The following MS4A1 variants were observed in gnomAD, a reference collection of about 807,000 sequenced individuals.
MS4A1 encodes the protein membrane spanning 4-domains A1, also known as B-lymphocyte antigen CD20.
In MS4A1, 16 loss-of-function variants were observed where a neutral mutation model predicts 26.5. The ratio of observed to expected loss-of-function variants is 0.60; its 90% CI spans 0.41 to 0.92. The LOEUF (loss-of-function observed/expected upper bound fraction) is 0.92, where lower values mean the gene tolerates loss of function less well. Ranked by LOEUF, MS4A1 falls within the 40% of genes least tolerant of loss-of-function variation. The probability of loss-of-function intolerance (pLI) is 0.00; values close to 1 mark genes in which losing one functional copy is unlikely to be tolerated. For synonymous variants in MS4A1, 128 were observed against 117.6 expected (o/e 1.09, Z -0.57); for missense variants, 350 against 353.0 (o/e 0.99, Z 0.07).
At chr11:60,460,540 C>T (rs765672443) in intron 1 of MS4A1, among the ~76,000 whole-genome samples, 3 of 152,152 alleles carry the variant, frequency 2.0e-5, no homozygotes, top group East Asian at 1.9e-4. Context: ...GATGTGGCAC[C>T]GGCTTCAGTA....
chr11:60,465,251 C>T (rs371094986), intron 5 of MS4A1, among the ~76,000 whole-genome samples: 1 of 152,198 alleles, frequency 6.6e-6, no homozygotes, highest in Admixed American at 6.5e-5. Flanking sequence ...CCTGTTTCAA[C>T]CTTTTATCAT....
chr11:60,468,633 G>A lies in MS4A1; in HGVS notation c.*165G>A. 2 of 689,284 alleles carry A rather than the reference G, an allele frequency of 2.9e-6. No homozygotes were observed. The highest frequency in any genetic ancestry group is 5.1e-6 in the Non-Finnish European group (2 of 395,788). The allele number at this position is 689,284 out of a possible 1,614,324, so 42.7% of individuals were successfully genotyped here. A position where few individuals can be genotyped will look rare whatever the true frequency, so the allele number is the denominator to read the frequency against. ...CTCCTTCTCTCTTACATTGAATGTA[G>A]AGAATGTAGCCATTGTAGCAGCTTG... On this transcript the variant is annotated 3_prime_UTR_variant, in exon 8 of 8. Transcript: ENST00000345732.
chr11:60,462,908 G>T, intron 3 of MS4A1, 94 bp from the exon 4 acceptor site: 1 of 1,581,554 alleles, frequency 6.3e-7, no homozygotes, highest in Admixed American at 1.7e-5. Flanking sequence ...ATTCCTCACA[G>T]CTCCAAGTCA....
At chr11:60,456,496 G>A (rs1176833355) in intron 1 of MS4A1, among the ~76,000 whole-genome samples, 2 of 152,236 alleles carry the variant, frequency 1.3e-5, no homozygotes, top group East Asian at 3.9e-4. Context: ...AGAAGTATAG[G>A]TGGCTTTACA....
Position 60,470,319 on chromosome 11 carries a change from C to T in MS4A1, c.*1851C>T, listed in dbSNP as rs2086333439. 1 of 151,814 alleles carries T rather than the reference C, an allele frequency of 6.6e-6. No individual in the cohort carries two copies. Among genetic ancestry groups the T allele is most frequent in the African/African-American group, 2.4e-5 (1 of 41,360 alleles). The allele number at this position is 151,814 out of a possible 1,614,324, so 9.4% of individuals were successfully genotyped here. On this transcript the variant is annotated 3_prime_UTR_variant, in exon 8 of 8. Transcript: ENST00000345732. ...GAAATATATGAGAGAAGGAAAAGGA[C>T]ATAGTAGGAGCAGGCCTGAGAAAAA...
chr11:60,466,699 G>T, intron 6 of MS4A1: 1 of 485,440 alleles, frequency 2.1e-6, no homozygotes, highest in Non-Finnish European at 3.8e-6. Context: ...ATACAGAATT[G>T]ATTCTTCAAC....
At chr11:60,456,278 A>G (rs887967648) in intron 1 of MS4A1, among the ~76,000 whole-genome samples, 1 of 152,228 alleles carries the variant, frequency 6.6e-6, no homozygotes, top group Non-Finnish European at 1.5e-5. Flanking sequence ...AACCTTGGGC[A>G]AATTACTAAA....
Position 60,462,541 on chromosome 11 carries a change from A to G in MS4A1, c.159+8A>G. The G allele has an allele frequency of 6.2e-7, 1 of 1,614,174 alleles. No individual in the cohort carries two copies. Among genetic ancestry groups the G allele is most frequent in the South Asian group, 1.1e-5 (1 of 91,086 alleles). The stretch of plus-strand genomic sequence containing the variant: ...GAATCTAAGACTTTGGGGGTAAGTC[A>G]GTTGCCTTCCATCCCATGTCGTAGG... On this transcript the variant is annotated splice_region_variant and intron_variant, in intron 3 of 7. Coordinates refer to ENST00000345732, the MANE Select transcript of MS4A1 (RefSeq NM_152866.3).
intron 3 of MS4A1, 40 bp downstream of exon 3, chr11:60,462,573 C>A: frequency 1.2e-6 from 2 of 1,613,062 alleles, no homozygotes; most frequent in South Asian, 2.2e-5. Flanking sequence ...TAGGGATTCT[C>A]TGGCTGACAG....
rs201349981 is a variant in MS4A1, at chr11:60,470,240, T to A, written c.*1772T>A. The A allele has an allele frequency of 6.6e-6, 1 of 152,004 alleles. No individual in the cohort carries two copies. The highest frequency in any genetic ancestry group is 2.4e-5 in the African/African-American group (1 of 41,434). 9.4% of individuals were successfully genotyped at this position (152,004 alleles called of 1,614,324 possible). ...TTACACAGGTTCTCAAAAAAAATGT[T>A]CATGGGATAGGTCATTGATAATGGA... is the stretch of plus-strand genomic sequence containing the variant. On this transcript the variant is annotated 3_prime_UTR_variant, in exon 8 of 8. Transcript: ENST00000345732.
At position 60,468,311 on chromosome 11, in the gene MS4A1, T is replaced by C; in HGVS notation, c.737T>C (p.Val246Ala). ...CAGACTATTGAAATAAAAGAAGAAG[T>C]GGTTGGGCTAACTGAAACATCTTCC... ...KEQTIEIKEE[V>A]VGLTETSSQP... Residue 246 changes from valine (V) to alanine (A), a missense_variant, in exon 8 of 8, where the codon GTG becomes GCG. Physicochemically the swap from Val to Ala is moderately conservative, Grantham distance 64 (BLOSUM62 0). Coordinates refer to ENST00000345732, the MANE Select transcript of MS4A1 (RefSeq NM_152866.3). 1 of 1,613,898 alleles carries C rather than the reference T, an allele frequency of 6.2e-7. No homozygotes were observed. The highest frequency in any genetic ancestry group is 1.3e-5 in the African/African-American group (1 of 75,004).
Position 60,468,342 on chromosome 11 carries a change from A to G in MS4A1, c.768A>G (p.Pro256=), listed in dbSNP as rs1436427042. 1 of 1,614,142 alleles carries G rather than the reference A, an allele frequency of 6.2e-7. No homozygotes were observed. Residue 256 remains proline (P), a synonymous_variant, in exon 8 of 8, where the codon CCA becomes CCG. Coordinates refer to ENST00000345732, the MANE Select transcript of MS4A1 (RefSeq NM_152866.3). ...VVGLTETSSQ[P]KNEEDIEIIP... ...GGCTAACTGAAACATCTTCCCAACC[A>G]AAGAATGAAGAAGACATTGAAATTA...
At chr11:60,466,545 T>A in intron 6 of MS4A1, 2 of 322,828 alleles carry the variant, frequency 6.2e-6, no homozygotes, top group South Asian at 7.0e-5. Flanking sequence ...ATGAATATCT[T>A]TTGCCCAAGG....
At chr11:60,456,738 C>T (rs17614640) in intron 1 of MS4A1, among the ~76,000 whole-genome samples, 11,327 of 152,180 alleles carry the variant, frequency 0.074, 444 homozygotes, top group South Asian at 0.17. Flanking sequence ...ACTGAGAATC[C>T]GGTGGAAAGA....
chr11:60,469,787 C>A lies in MS4A1; in HGVS notation c.*1319C>A, dbSNP rs1338859064. ...ACTTTTCAATTCAGATATACTAGTA[C>A]CTTACCTAGAAATAATGTTAACCTA... On this transcript the variant is annotated 3_prime_UTR_variant, in exon 8 of 8. Transcript: ENST00000345732. The A allele has an allele frequency of 6.6e-6, 1 of 152,036 alleles. No homozygotes were observed. The highest frequency in any genetic ancestry group is 1.5e-5 in the Non-Finnish European group (1 of 67,940). 9.4% of individuals were successfully genotyped at this position (152,036 alleles called of 1,614,324 possible). A position where few individuals can be genotyped will look rare whatever the true frequency, so the allele number is the denominator to read the frequency against.
chr11:60,460,541 G>A (rs978970900), intron 1 of MS4A1, among the ~76,000 whole-genome samples: 8 of 152,122 alleles, frequency 5.3e-5, no homozygotes, highest in African/African-American at 1.4e-4. Flanking sequence ...ATGTGGCACC[G>A]GCTTCAGTAA....
rs1465653112 is a variant in MS4A1, at chr11:60,461,491, CTT to C, written c.-191+332_-191+333del. On this transcript the variant is annotated intron_variant, in intron 2 of 7. Coordinates refer to ENST00000345732, the MANE Select transcript of MS4A1 (RefSeq NM_152866.3). ...GCAATCTGACTCAGGAGGCCACAGT[CTT>C]ATATACTGCATTAGAAAGCCTTAGA... 3.3e-5 allele frequency among the ~76,000 whole-genome samples: 5 copies of C among 151,654 alleles called. 2 individuals carry two copies. The Admixed American group carries it at 3.4e-4, about 10-fold the overall frequency.
intron 7 of MS4A1, 58 bp downstream of exon 7, chr11:60,467,118 A>C: frequency 7.4e-7 from 1 of 1,356,112 alleles, no homozygotes; most frequent in Non-Finnish European, 1.1e-6. Context: ...TCCACAAAGG[A>C]TCATTTATGG....
At chr11:60,460,581 T>C (rs1209355945) in intron 1 of MS4A1, among the ~76,000 whole-genome samples, 1 of 152,200 alleles carries the variant, frequency 6.6e-6, no homozygotes, top group Non-Finnish European at 1.5e-5. Context: ...CAGTCTTGAT[T>C]TCCAAGACAT....
Sources: gnomAD v4.1 joint callset for allele counts (sites outside exome capture counted in the v4.1 genomes callset) on GRCh38, gnomAD v4.1.1 for gene constraint, MANE v1.5 for transcripts, NCBI Gene and HGNC (gene_info 2026-07-23, HGNC 2026-07-21) for gene names.